The following PCSK5 variants were observed in gnomAD, a reference collection of about 807,000 sequenced individuals.
The protein encoded by PCSK5 is prohormone convertase 5.
In PCSK5, 129 loss-of-function variants were observed where a neutral mutation model predicts 233.2. The ratio of observed to expected loss-of-function variants is 0.55; its 90% CI spans 0.48 to 0.64. The LOEUF (loss-of-function observed/expected upper bound fraction) is 0.64. Among genes scored for constraint, PCSK5 ranks in the 30% least tolerant of loss-of-function variants. The pLI is 0.00. For missense variants in PCSK5, 2,076 were observed against 2,430.1 expected, an observed-to-expected ratio of 0.85 and a Z score of 3.06; for synonymous variants, 825 against 879.2, an observed-to-expected ratio of 0.94 and a Z score of 1.09.
intron 7 of PCSK5, among the ~76,000 whole-genome samples, chr9:76,093,440 C>T (rs1016694470): frequency 3.9e-5 from 6 of 151,904 alleles, no homozygotes; most frequent in Non-Finnish European, 8.8e-5. Context: ...CATTTTGTAT[C>T]CTATGTTTGT....
At chr9:76,337,082 G>C (rs775884397) in intron 34 of PCSK5, among the ~76,000 whole-genome samples, 1 of 148,160 alleles carries the variant, frequency 6.7e-6, no homozygotes, top group Non-Finnish European at 1.5e-5. Flanking sequence ...TGTAAATGTC[G>C]ATATCACACT....
rs78268641 is a variant in PCSK5 at position 76,174,714 on chromosome 9, G to A, written c.1757-272G>A. Among the ~76,000 whole-genome samples, 1,285 of 152,336 alleles carry A rather than the reference G, an allele frequency of 8.4e-3. 23 individuals are homozygous for A. The highest frequency in any genetic ancestry group is 0.03 in the African/African-American group (1,227 of 41,562). Reference sequence around the variant, plus strand: ...TCAGCCCTTGATCCAGCAATCTGAAGTGTGTTTGTTTCTCAGTCTTCCTAT... The same window carrying A: ...TCAGCCCTTGATCCAGCAATCTGAAATGTGTTTGTTTCTCAGTCTTCCTAT... On this transcript the variant is annotated intron_variant, in intron 13 of 37. Transcript: ENST00000674117.
At chr9:76,101,549 T>C (rs891201008) in intron 8 of PCSK5, among the ~76,000 whole-genome samples, 1 of 152,200 alleles carries the variant, frequency 6.6e-6, no homozygotes, top group Non-Finnish European at 1.5e-5. Context: ...CATTAAATTA[T>C]CTCTTTCTTT....
Position 76,067,999 on chromosome 9 carries a change from A to G in PCSK5, c.677A>G (p.Asn226Ser). ...CAGEVAAAAN[N>S]SHCTVGIAFN... ...GGAGAAGTGGCAGCCGCTGCAAACA[A>G]TTCGCACTGCACAGTCGGAATTGCT... The change falls in exon 6 of 38, where the codon AAT becomes AGT. Residue 226 changes from asparagine (N) to serine (S), a missense_variant. Physicochemically the swap from Asn to Ser is conservative, Grantham distance 46. Coordinates refer to ENST00000674117, the MANE Select transcript of PCSK5 (RefSeq NM_001372043.1). 6.2e-7 allele frequency: 1 copy of G among 1,614,156 alleles called. No homozygotes were observed. The highest frequency in any genetic ancestry group is 8.5e-7 in the Non-Finnish European group (1 of 1,180,012).
At chr9:76,193,436 A>G in intron 20 of PCSK5, 1 of 1,107,466 alleles carries the variant, frequency 9.0e-7, no homozygotes, top group Non-Finnish European at 1.2e-6. Flanking sequence ...AAGAAAAAAA[A>G]AAAAAGCAAG....
At chr9:76,314,629 G>GA (rs79039915) in intron 30 of PCSK5, among the ~76,000 whole-genome samples, 18 of 148,154 alleles carry the variant, frequency 1.2e-4, no homozygotes, top group East Asian at 5.9e-4. Flanking sequence ...ACATGTTCAT[G>GA]AAAAAAAAAA....
intron 7 of PCSK5, among the ~76,000 whole-genome samples, chr9:76,082,838 A>G (rs921796257): frequency 1.3e-5 from 2 of 152,124 alleles, no homozygotes; most frequent in Admixed American, 1.3e-4. Flanking sequence ...AAGAGAAAAA[A>G]ACTTGAAATG....
intron 1 of PCSK5, among the ~76,000 whole-genome samples, chr9:75,891,777 G>C (rs369122212): frequency 3.3e-5 from 5 of 152,096 alleles, no homozygotes; most frequent in African/African-American, 1.2e-4. Context: ...TGGGGGATAG[G>C]GGGTGAGCGC....
chr9:76,296,214 C>T (rs1280676500), intron 26 of PCSK5, among the ~76,000 whole-genome samples: 2 of 152,212 alleles, frequency 1.3e-5, no homozygotes, highest in African/African-American at 4.8e-5. Flanking sequence ...ATCCACCCAC[C>T]TCAGCCTCCC....
intron 22 of PCSK5, 76 bp downstream of exon 22, chr9:76,233,672 CA>C: frequency 2.2e-6 from 3 of 1,392,682 alleles, no homozygotes; most frequent in Non-Finnish European, 2.0e-6. Context: ...TGGTTTGACC[CA>C]AAAGCCTTGT....
At chr9:76,107,078 ATCTACACAG>A (rs1406116991) in intron 8 of PCSK5, among the ~76,000 whole-genome samples, 164 bp from the exon 9 acceptor site, 2 of 152,230 alleles carry the variant, frequency 1.3e-5, no homozygotes, top group East Asian at 3.8e-4. Context: ...TTCAGAGTTG[ATCTACACAG>A]TCAATTCTCT....
chr9:75,977,440 C>T (rs757254725), intron 2 of PCSK5, among the ~76,000 whole-genome samples: 30 of 143,222 alleles, frequency 2.1e-4, no homozygotes, highest in Non-Finnish European at 3.3e-4. Flanking sequence ...TTTGTTCTTC[C>T]GTGTTTATCC....
intron 22 of PCSK5, among the ~76,000 whole-genome samples, chr9:76,236,084 G>C (rs1224643374): frequency 6.6e-6 from 1 of 152,094 alleles, no homozygotes; most frequent in Non-Finnish European, 1.5e-5. Context: ...TATTGCTGAG[G>C]ATTCACTCCA....
At chr9:76,297,469 G>A (rs981229779) in intron 27 of PCSK5, among the ~76,000 whole-genome samples, 1 of 152,164 alleles carries the variant, frequency 6.6e-6, no homozygotes, top group Non-Finnish European at 1.5e-5. Context: ...GAGGGGACAG[G>A]TGTGGGAGCT....
chr9:76,183,045 T>A (rs1178220308), intron 16 of PCSK5, among the ~76,000 whole-genome samples: 1 of 152,078 alleles, frequency 6.6e-6, no homozygotes, highest in East Asian at 1.9e-4. Context: ...AACATGAAAT[T>A]TGACTTGAGG....
At chr9:76,299,306 C>T (rs1367554863) in intron 27 of PCSK5, among the ~76,000 whole-genome samples, 1 of 152,164 alleles carries the variant, frequency 6.6e-6, no homozygotes, top group Non-Finnish European at 1.5e-5. Flanking sequence ...TAGATCATCC[C>T]CAGACCCTCT....
At chr9:76,174,921 A>G in intron 13 of PCSK5, 65 bp from the exon 14 acceptor site, 5 of 1,451,086 alleles carry the variant, frequency 3.4e-6, no homozygotes, top group East Asian at 4.6e-5. Flanking sequence ...AGAAGGACTT[A>G]AAGATGTTAC....
chr9:76,016,589 C>G (rs1237994021), intron 3 of PCSK5, among the ~76,000 whole-genome samples: 1 of 152,074 alleles, frequency 6.6e-6, no homozygotes, highest in Non-Finnish European at 1.5e-5. Flanking sequence ...GGTTTAGCAC[C>G]AAGGCTAGGT....
At chr9:76,064,486 G>A (rs1318591643) in intron 5 of PCSK5, among the ~76,000 whole-genome samples, 1 of 147,646 alleles carries the variant, frequency 6.8e-6, no homozygotes, top group Non-Finnish European at 1.5e-5. Context: ...TCCCGGATGG[G>A]GCGGCTGGCC....
Sources: allele counts gnomAD v4.1 joint callset (sites outside exome capture counted in the v4.1 genomes callset), GRCh38; gene constraint gnomAD v4.1.1; transcripts MANE v1.5; gene names NCBI Gene and HGNC (gene_info 2026-07-23, HGNC 2026-07-21).